ACYP2: variants seen among roughly 807,000 people sequenced by gnomAD.
The protein encoded by ACYP2 is acylphosphatase 2, also known as acylphosphatase-2.
ACYP2 carries 12 observed loss-of-function variants against 11.2 expected under a neutral mutation model. The observed-to-expected ratio is 1.08, with a 90% CI of 0.69 to 1.74. The LOEUF is 1.74. Among genes scored for constraint, ACYP2 ranks in the 40% most tolerant of loss-of-function variants. The probability of loss-of-function intolerance (pLI) is 0.00; values close to 1 mark genes in which losing one functional copy is unlikely to be tolerated. For missense variants in ACYP2, 134 were observed against 101.9 expected, an observed-to-expected ratio of 1.31 and a Z score of -1.35; for synonymous variants, 43 against 32.2, an observed-to-expected ratio of 1.33 and a Z score of -1.13.
chr2:54,062,381 C>G (rs944083874), intron 4 of ACYP2, among the ~76,000 whole-genome samples: 2 of 152,182 alleles, frequency 1.3e-5, no homozygotes, highest in Non-Finnish European at 2.9e-5. Flanking sequence ...CACATACCAG[C>G]CATCTCTATT....
intron 4 of ACYP2, among the ~76,000 whole-genome samples, chr2:54,089,101 G>T (rs1388958517): frequency 6.6e-6 from 1 of 152,224 alleles, no homozygotes; most frequent in Non-Finnish European, 1.5e-5. Context: ...TCGAAATGGA[G>T]TTGAGAAAGT....
At chr2:54,021,300 T>C (rs905083871) in intron 2 of ACYP2, among the ~76,000 whole-genome samples, 12 of 152,192 alleles carry the variant, frequency 7.9e-5, no homozygotes, top group African/African-American at 2.6e-4. Flanking sequence ...GAACTACTAA[T>C]TAGAACTGGT....
At chr2:54,281,328 T>C (rs17045773) in intron 6 of ACYP2, among the ~76,000 whole-genome samples, 3,376 of 152,330 alleles carry the variant, frequency 0.022, 131 homozygotes, top group African/African-American at 0.078. Flanking sequence ...AGTTATCAAA[T>C]TAAGTACCAT....
At chr2:54,160,971 C>A (rs1682683931) in intron 6 of ACYP2, among the ~76,000 whole-genome samples, 1 of 152,160 alleles carries the variant, frequency 6.6e-6, no homozygotes, top group Admixed American at 6.5e-5. Context: ...TAACCTAGAA[C>A]AATGATCTCA....
chr2:54,273,033 G>T (rs568748471), intron 6 of ACYP2, among the ~76,000 whole-genome samples: 2 of 152,320 alleles, frequency 1.3e-5, no homozygotes, highest in African/African-American at 4.8e-5. Flanking sequence ...CAGGAAACTA[G>T]GAAGGATCAA....
chr2:54,217,612 A>G (rs1175502604), intron 6 of ACYP2, among the ~76,000 whole-genome samples: 1 of 151,950 alleles, frequency 6.6e-6, no homozygotes, highest in Non-Finnish European at 1.5e-5. Context: ...AGCTCAAGCG[A>G]TCCCCCTGCC....
intron 2 of ACYP2, among the ~76,000 whole-genome samples, chr2:54,036,857 A>G (rs529159795): frequency 6.6e-6 from 1 of 152,236 alleles, no homozygotes; most frequent in East Asian, 1.9e-4. Context: ...AAAACTGGAC[A>G]CCCAACTGTG....
At chr2:54,051,467 T>C (rs7590819) in intron 3 of ACYP2, 203,173 of 690,804 alleles carry the variant, frequency 0.29, 31,380 homozygotes, top group South Asian at 0.44. Flanking sequence ...AAAAAGAAGT[T>C]TGAGGATCCC....
intron 4 of ACYP2, among the ~76,000 whole-genome samples, chr2:54,077,490 C>G (rs1355757489): frequency 1.3e-5 from 2 of 152,174 alleles, no homozygotes; most frequent in African/African-American, 2.4e-5. Flanking sequence ...ATTATCAGTG[C>G]ATGCAGTATT....
rs773692077 is a variant in ACYP2 at position 54,147,716 on chromosome 2, G to C, written c.404+8968G>C. 2.6e-5 allele frequency among the ~76,000 whole-genome samples: 4 copies of C among 151,952 alleles called. No individual in the cohort carries two copies. In the East Asian group the frequency reaches 7.7e-4, roughly 29 times the overall value. On this transcript the variant is annotated intron_variant, in intron 6 of 6. Transcript: ENST00000607452. ...ATTTTTTAATTTTTTGTAGAGACAG[G>C]GTCCTACTATGTTGTCTATGCTGGT...
chr2:54,248,725 ACAT>A (rs975126704), intron 6 of ACYP2, among the ~76,000 whole-genome samples: 3 of 152,188 alleles, frequency 2.0e-5, no homozygotes, highest in Non-Finnish European at 4.4e-5. Flanking sequence ...GATGACTAAA[ACAT>A]CATCTTGGCC....
chr2:54,072,513 T>TTTTTTTCGTCTTTCTTTCTTTCC (rs148411653), intron 4 of ACYP2, among the ~76,000 whole-genome samples: 11 of 146,056 alleles, frequency 7.5e-5, no homozygotes, highest in African/African-American at 2.8e-4. Context: ...CTCTCTCTCT[T>TTTTTTTCGTCTTTCTTTCTTTCC]TCTTTCTTCT....
intron 2 of ACYP2, among the ~76,000 whole-genome samples, chr2:54,010,727 T>C (rs1673314301): frequency 1.1e-5 from 1 of 95,214 alleles, no homozygotes; most frequent in Non-Finnish European, 2.1e-5. Flanking sequence ...GTTTCTCTTT[T>C]TCTTTCTTTC....
At chr2:54,164,926 G>A (rs1018433092) in intron 6 of ACYP2, among the ~76,000 whole-genome samples, 1 of 152,102 alleles carries the variant, frequency 6.6e-6, no homozygotes, top group African/African-American at 2.4e-5. Flanking sequence ...TGTTCTCATT[G>A]TTCAGCTCCC....
chr2:54,213,264 A>G (rs1029613544), intron 6 of ACYP2, among the ~76,000 whole-genome samples: 2 of 152,192 alleles, frequency 1.3e-5, no homozygotes, highest in African/African-American at 4.8e-5. Context: ...TGCAAAGGAC[A>G]TGATTTCACT....
At chr2:54,236,113 G>GTT (rs1226467507) in intron 6 of ACYP2, among the ~76,000 whole-genome samples, 1 of 150,870 alleles carries the variant, frequency 6.6e-6, no homozygotes, top group Non-Finnish European at 1.5e-5. Context: ...TTTGTTTTTT[G>GTT]TTTTTTGAGA....
chr2:54,076,195 G>C (rs1269572452), intron 4 of ACYP2, among the ~76,000 whole-genome samples: 3 of 152,216 alleles, frequency 2.0e-5, no homozygotes, highest in East Asian at 3.8e-4. Flanking sequence ...TATTCTGGAA[G>C]AAGATGCCAA....
chr2:54,121,876 A>G (rs1680180074), intron 4 of ACYP2, among the ~76,000 whole-genome samples: 3 of 152,274 alleles, frequency 2.0e-5, no homozygotes, highest in Admixed American at 2.0e-4. Flanking sequence ...CTACACGGCT[A>G]CGCCTCTAGT....
At chr2:54,014,729 A>T (rs1315080439) in intron 2 of ACYP2, among the ~76,000 whole-genome samples, 1 of 152,042 alleles carries the variant, frequency 6.6e-6, no homozygotes, top group Non-Finnish European at 1.5e-5. Context: ...TTTGTAAAAA[A>T]AAAATTTTTT....
Sources: allele counts gnomAD v4.1 joint callset (sites outside exome capture counted in the v4.1 genomes callset), GRCh38; gene constraint gnomAD v4.1.1; transcripts MANE v1.5; gene names NCBI Gene and HGNC (gene_info 2026-07-23, HGNC 2026-07-21).